The following SLC6A12 variants were observed in gnomAD, a reference collection of about 807,000 sequenced individuals.
The protein encoded by SLC6A12 is sodium- and chloride-dependent betaine transporter.
A neutral mutation model predicts 73.3 loss-of-function variants in SLC6A12; 50 were observed. The ratio of observed to expected loss-of-function variants is 0.68; its 90% CI spans 0.54 to 0.86. The LOEUF (loss-of-function observed/expected upper bound fraction) is 0.86. Among genes scored for constraint, SLC6A12 ranks in the 40% least tolerant of loss-of-function variants. SLC6A12 has a pLI of 0.00. For synonymous variants in SLC6A12, 304 were observed against 309.2 expected (o/e 0.98, Z 0.18); for missense variants, 648 against 772.8 (o/e 0.84, Z 1.92).
downstream of SLC6A12, among the ~76,000 whole-genome samples, chr12:187,260 A>G (rs1939447430): frequency 6.6e-6 from 1 of 152,138 alleles, no homozygotes; most frequent in African/African-American, 2.4e-5. Context: ...ACTGACTTCA[A>G]GCATGAAGCC....
chr12:209,630 C>A, intron 3 of SLC6A12, 143 bp downstream of exon 3: 1 of 787,614 alleles, frequency 1.3e-6, no homozygotes, highest in Non-Finnish European at 2.1e-6. Context: ...AGTAGTGGAG[C>A]TGGAACTCAA....
chr12:208,322 C>A (rs751359682), intron 3 of SLC6A12, among the ~76,000 whole-genome samples: 2 of 152,150 alleles, frequency 1.3e-5, no homozygotes, highest in Non-Finnish European at 2.9e-5. Flanking sequence ...GAAAGCCTAC[C>A]GCTATTTCTT....
intron 9 of SLC6A12, 37 bp downstream of exon 9, chr12:197,863 C>T (rs1215781370): frequency 7.6e-7 from 1 of 1,319,064 alleles, no homozygotes; most frequent in Admixed American, 1.7e-5. Flanking sequence ...CAGGCCCCAA[C>T]CCTCCTTCAC....
chr12:188,617 C>T (rs1336932364), downstream of SLC6A12, among the ~76,000 whole-genome samples: 37 of 152,206 alleles, frequency 2.4e-4, no homozygotes, highest in Admixed American at 2.4e-3. Flanking sequence ...ACGCTGTCAC[C>T]TCTCAAAAGC....
In SLC6A12 at chr12:196,758, G is replaced by A; in HGVS notation, c.1188+12C>T. 6.3e-7 allele frequency: 1 copy of A among 1,586,360 alleles called. No individual in the cohort carries two copies. The highest frequency in any genetic ancestry group is 8.7e-7 in the Non-Finnish European group (1 of 1,155,532). On this transcript the variant is annotated intron_variant, in intron 11 of 15. Transcript: ENST00000684302. ...TCACCACGGCAGGGCAGGCTGGGCT[G>A]CAGTGACGTACCTGGCTGTCCAGCC...
chr12:199,185 T>A (rs1940081202), intron 7 of SLC6A12: 3 of 523,602 alleles, frequency 5.7e-6, no homozygotes, highest in Non-Finnish European at 1.0e-5. Context: ...GGAGGCAGGG[T>A]ACAGGCTTCC....
rs1939535588 is a variant in SLC6A12, at chr12:190,256, G to C, written c.*812C>G. On this transcript the variant is annotated 3_prime_UTR_variant, in exon 16 of 16. Transcript: ENST00000684302. ...GGTCTCCAGGTTCCTCATCCATGAA[G>C]TCAGGGGTTTGCGTTAGAAGCAGGA... is the stretch of plus-strand genomic sequence containing the variant. 6.6e-6 allele frequency: 1 copy of C among 152,210 alleles called. No individual in the cohort carries two copies. Among genetic ancestry groups the C allele is most frequent in the Non-Finnish European group, 1.5e-5 (1 of 68,052 alleles). The allele number at this position is 152,210 out of a possible 1,614,324, so 9.4% of individuals were successfully genotyped here.
At chr12:205,310 G>A (rs1278084733) in intron 3 of SLC6A12, among the ~76,000 whole-genome samples, 1 of 152,148 alleles carries the variant, frequency 6.6e-6, no homozygotes, top group Non-Finnish European at 1.5e-5. Context: ...ACTTCAGTAG[G>A]AGTCACTAAG....
intron 12 of SLC6A12, among the ~76,000 whole-genome samples, 154 bp from the exon 13 acceptor site, chr12:195,481 C>G (rs749021121): frequency 3.9e-5 from 6 of 152,204 alleles, no homozygotes; most frequent in African/African-American, 9.6e-5. Context: ...CCTGTCTGCC[C>G]CTGCCTTCAG....
chr12:191,204 C>T lies in SLC6A12; in HGVS notation c.1709G>A (p.Arg570His), dbSNP rs901488544. The change falls in exon 16 of 16, where the codon CGT becomes CAT. Residue 570 changes from arginine to histidine, a missense_variant. Coordinates refer to ENST00000684302, the MANE Select transcript of SLC6A12 (RefSeq NM_001122848.3). The stretch of plus-strand genomic sequence containing the variant: ...ACTGGAGTCAGGGGTGATGAGCTGA[C>T]GCAGACGCTGTGGAGAGAAGAGGCA... ...KTRGPFRKRL[R>H]QLITPDSSLP... The T allele has an allele frequency of 4.0e-5, 51 of 1,274,280 alleles. No homozygotes were observed. Among genetic ancestry groups the T allele is most frequent in the African/African-American group, 7.7e-5 (5 of 65,052 alleles). 78.9% of individuals were successfully genotyped at this position (1,274,280 alleles called of 1,614,324 possible). A position where few individuals can be genotyped will look rare whatever the true frequency, so the allele number is the denominator to read the frequency against.
chr12:212,300 A>G (rs1467454817), intron 1 of SLC6A12, among the ~76,000 whole-genome samples, 190 bp from the exon 2 acceptor site: 4 of 152,230 alleles, frequency 2.6e-5, no homozygotes, highest in African/African-American at 9.6e-5. Context: ...TTTCCAGACC[A>G]CAGGCAGCTG....
Position 212,509 on chromosome 12 carries a change from A to G in SLC6A12, c.-142-399T>C, listed in dbSNP as rs568155886. Among the ~76,000 whole-genome samples, 12 of 152,348 alleles carry G rather than the reference A, an allele frequency of 7.9e-5. No individual in the cohort carries two copies. In the East Asian group the frequency reaches 2.1e-3, roughly 27 times the overall value. ...GCTGGTGAACCGACACTGACGCAAC[A>G]TGATTTTTTAAAAATAAAAATGAAA... is the stretch of plus-strand genomic sequence containing the variant. On this transcript the variant is annotated intron_variant, in intron 1 of 15. Transcript: ENST00000684302.
intron 3 of SLC6A12, among the ~76,000 whole-genome samples, chr12:207,649 C>G (rs191811373): frequency 1.8e-4 from 28 of 152,238 alleles, no homozygotes; most frequent in African/African-American, 6.7e-4. Flanking sequence ...TGAGTTAGTA[C>G]AGTTCAGTCT....
In SLC6A12 at chr12:193,310, G is replaced by A; in HGVS notation, c.1497C>T (p.Ile499=). The change falls in exon 14 of 16, where the codon ATC becomes ATT. Residue 499 remains isoleucine (I), a synonymous_variant. Transcript: ENST00000684302. The part of the protein sequence containing the change: ...IGYRPWPLVK[I]SWLFLTPGLC... Reference sequence around the variant, plus strand: ...GTCCAGGGGTCAGGAAGAGCCAGGAGATCTTCACCAGGGGCCATGGCCGGT... The same window carrying A: ...GTCCAGGGGTCAGGAAGAGCCAGGAAATCTTCACCAGGGGCCATGGCCGGT... The A allele has an allele frequency of 1.2e-6, 2 of 1,613,994 alleles. No homozygotes were observed. Among genetic ancestry groups the A allele is most frequent in the Non-Finnish European group, 1.7e-6 (2 of 1,179,872 alleles).
chr12:187,449 G>C (rs116902454), downstream of SLC6A12, among the ~76,000 whole-genome samples: 5 of 151,588 alleles, frequency 3.3e-5, no homozygotes, highest in African/African-American at 1.2e-4. Context: ...GGCGCGTCTG[G>C]AGTTTTTTTT....
intron 1 of SLC6A12, among the ~76,000 whole-genome samples, 155 bp from the exon 2 acceptor site, chr12:212,265 C>A (rs1001436110): frequency 6.6e-6 from 1 of 152,176 alleles, no homozygotes; most frequent in Non-Finnish European, 1.5e-5. Context: ...GCCCTTAGGG[C>A]GGTGGTCAGA....
At chr12:196,383 G>C in intron 11 of SLC6A12, 122 bp from the exon 12 acceptor site, 1 of 1,231,184 alleles carries the variant, frequency 8.1e-7, no homozygotes, top group Non-Finnish European at 1.1e-6. Context: ...GCAGCACAAA[G>C]GGAAGAAATG....
chr12:203,587 C>T (rs922152066), intron 4 of SLC6A12: 4 of 152,058 alleles, frequency 2.6e-5, no homozygotes, highest in African/African-American at 9.7e-5. Context: ...GTTGAGAGCG[C>T]GCACACAGAC....
At chr12:203,031 T>C (rs996607449) in intron 4 of SLC6A12, 151 bp from the exon 5 acceptor site, 13 of 467,868 alleles carry the variant, frequency 2.8e-5, no homozygotes, top group Non-Finnish European at 4.8e-5. Flanking sequence ...AAGCCATTCA[T>C]AGCATATTTT....
Sources: gnomAD v4.1 joint callset for allele counts (sites outside exome capture counted in the v4.1 genomes callset) on GRCh38, gnomAD v4.1.1 for gene constraint, MANE v1.5 for transcripts, NCBI Gene and HGNC (gene_info 2026-07-23, HGNC 2026-07-21) for gene names.